The following RUBCNL variants were observed in gnomAD, a reference collection of about 807,000 sequenced individuals.
RUBCNL encodes protein associated with UVRAG as autophagy enhancer.
In RUBCNL, 62 loss-of-function variants were observed where a neutral mutation model predicts 69.5. That is an observed-to-expected ratio of 0.89 (90% CI 0.73 to 1.10). The LOEUF (loss-of-function observed/expected upper bound fraction) is 1.10, where lower values mean the gene tolerates loss of function less well. RUBCNL is among the 50% of genes least tolerant of loss of function. RUBCNL has a pLI of 0.00. For synonymous variants in RUBCNL, 291 were observed against 303.6 expected (o/e 0.96, Z 0.43); for missense variants, 768 against 798.1 (o/e 0.96, Z 0.45).
intron 6 of RUBCNL, among the ~76,000 whole-genome samples, 192 bp downstream of exon 6, chr13:46,362,923 C>CAT (rs770827606): frequency 0.012 from 1,084 of 87,846 alleles, 117 homozygotes; most frequent in Non-Finnish European, 0.017. Context: ...ACAAGAACAT[C>CAT]ATATATATAT....
intron 1 of RUBCNL, among the ~76,000 whole-genome samples, chr13:46,382,060 C>T (rs562577746): frequency 6.6e-6 from 1 of 152,290 alleles, no homozygotes; most frequent in East Asian, 1.9e-4. Context: ...TTCAGCCTCC[C>T]AAAGTGCTGG....
chr13:46,340,630 C>T lies in RUBCNL; in HGVS notation c.*2755G>A, dbSNP rs773568149. 2.0e-5 allele frequency among the ~76,000 whole-genome samples: 3 copies of T among 152,132 alleles called. No individual in the cohort carries two copies. The highest frequency in any genetic ancestry group is 2.4e-5 in the African/African-American group (1 of 41,432). ...GAGGTTAATTTGGCTTATGGTTCTG[C>T]GGGCTGTACAAGCATCGCACCAATA... On this transcript the variant is annotated 3_prime_UTR_variant, in exon 15 of 15. Coordinates refer to ENST00000429979, the MANE Select transcript of RUBCNL (RefSeq NM_025113.5).
rs557091671 is a variant in RUBCNL, at chr13:46,385,789, T to C, written c.-239+1345A>G. 6.6e-5 allele frequency among the ~76,000 whole-genome samples: 10 copies of C among 152,302 alleles called. 1 individual carries two copies. The highest frequency in any genetic ancestry group is 6.2e-4 in the South Asian group (3 of 4,830). The stretch of plus-strand genomic sequence containing the variant: ...ATGTTTTTGTTGTTAAACGGTTGCA[T>C]GAAGACTATGTCCAGTCAAATCTAA... On this transcript the variant is annotated intron_variant, in intron 1 of 14. Transcript: ENST00000429979.
rs149590941 is a variant in RUBCNL at position 46,377,943 on chromosome 13, T to C, written c.-176A>G. Reference sequence around the variant, plus strand: ...ATTGACACAGAGGAGAAAGTAATGATTGGAAACCATCAAAGTCCATGCAGT... The same window carrying C: ...ATTGACACAGAGGAGAAAGTAATGACTGGAAACCATCAAAGTCCATGCAGT... On this transcript the variant is annotated 5_prime_UTR_variant, in exon 2 of 15. Coordinates refer to ENST00000429979, the MANE Select transcript of RUBCNL (RefSeq NM_025113.5). The C allele has an allele frequency of 5.2e-3, 8,321 of 1,609,466 alleles. 28 individuals carry two copies. Among genetic ancestry groups the C allele is most frequent in the Non-Finnish European group, 6.6e-3 (7,748 of 1,178,240 alleles).
chr13:46,345,710 C>G, intron 12 of RUBCNL, 110 bp from the exon 13 acceptor site: 1 of 1,065,418 alleles, frequency 9.4e-7, no homozygotes, highest in Non-Finnish European at 1.3e-6. Flanking sequence ...TTTTTTAACT[C>G]AATTTAAAAA....
At position 46,368,772 on chromosome 13, in the gene RUBCNL, G is replaced by A; in HGVS notation, c.579C>T (p.Phe193=). 6.2e-7 allele frequency: 1 copy of A among 1,613,788 alleles called. No homozygotes were observed. Among genetic ancestry groups the A allele is most frequent in the South Asian group, 1.1e-5 (1 of 91,034 alleles). Residue 193 remains phenylalanine (F), a synonymous_variant, in exon 4 of 15, where the codon TTC becomes TTT. Transcript: ENST00000429979. The part of the protein sequence containing the change: ...VSRRTISSNS[F]SPEVFVLPVD... ...CAGGCAGCACAAATACCTCTGGTGAGAAGGAATTCGAAGAAATGGTTCTTC... is the reference window on the plus strand; with the variant it reads ...CAGGCAGCACAAATACCTCTGGTGAAAAGGAATTCGAAGAAATGGTTCTTC...
rs1365602189 is a variant in RUBCNL at position 46,340,067 on chromosome 13, C to A, written c.*3318G>T. Among the ~76,000 whole-genome samples, 1 of 151,832 alleles carries A rather than the reference C, an allele frequency of 6.6e-6. No homozygotes were observed. The highest frequency in any genetic ancestry group is 2.4e-5 in the African/African-American group (1 of 41,310). The stretch of plus-strand genomic sequence containing the variant: ...GCTCCTTGGCTTGTAGATGCATCAC[C>A]CCAACCTCTGCTTTTTTTCTTCCCT... On this transcript the variant is annotated 3_prime_UTR_variant, in exon 15 of 15. Transcript: ENST00000429979.
chr13:46,343,318 A>G lies in RUBCNL; in HGVS notation c.*67T>C. On this transcript the variant is annotated 3_prime_UTR_variant, in exon 15 of 15. Coordinates refer to ENST00000429979, the MANE Select transcript of RUBCNL (RefSeq NM_025113.5). Reference sequence around the variant, plus strand: ...CCCAATATCTAAAACAATGTCACCAATAATAGACACAAATCGGTGTTATCA... The same window carrying G: ...CCCAATATCTAAAACAATGTCACCAGTAATAGACACAAATCGGTGTTATCA... 1 of 1,570,566 alleles carries G rather than the reference A, an allele frequency of 6.4e-7. No individual in the cohort carries two copies.
At chr13:46,380,146 T>C (rs778971159) in intron 1 of RUBCNL, among the ~76,000 whole-genome samples, 34 of 152,182 alleles carry the variant, frequency 2.2e-4, no homozygotes, top group African/African-American at 6.0e-4. Context: ...TTTTGAAGGT[T>C]TGCTGTCAGA....
Position 46,343,460 on chromosome 13 carries a change from G to A in RUBCNL, c.1914C>T (p.Ser638=). 6.2e-7 allele frequency: 1 copy of A among 1,613,940 alleles called. No homozygotes were observed. ...TCCTCGCACACCGGGGGCACTCGGA[G>A]GACTGGAAGCACTGTTTGTGAAAGC... is the stretch of plus-strand genomic sequence containing the variant. ...RACFHKQCFQ[S]SECPRCARIT... The change falls in exon 15 of 15, where the codon TCC becomes TCT. Residue 638 remains serine (S), a synonymous_variant. Transcript: ENST00000429979.
rs1555253845 is a variant in RUBCNL at position 46,362,962 on chromosome 13, A to ATATATC, written c.925+152_925+153insGATATA. ...TAGATATATATATATATATATATAT[A>ATATATC]TATATATATATATCAGGGCCATAAT... On this transcript the variant is annotated intron_variant, in intron 6 of 14. Coordinates refer to ENST00000429979, the MANE Select transcript of RUBCNL (RefSeq NM_025113.5). Among the ~76,000 whole-genome samples, 11 of 94,220 alleles carry ATATATC rather than the reference A, an allele frequency of 1.2e-4. 1 individual carries two copies. The highest frequency in any genetic ancestry group is 2.0e-4 in the Non-Finnish European group (10 of 49,764). The allele number at this position is 94,220 out of a possible 152,430, so 61.8% of individuals were successfully genotyped here. A position where few individuals can be genotyped will look rare whatever the true frequency, so the allele number is the denominator to read the frequency against.
chr13:46,358,416 C>T (rs921099921), intron 9 of RUBCNL, among the ~76,000 whole-genome samples: 17 of 152,176 alleles, frequency 1.1e-4, no homozygotes, highest in East Asian at 3.8e-4. Context: ...GTCCTATAGT[C>T]TCGGAACAAA....
chr13:46,346,935 G>T (rs1156228802), intron 12 of RUBCNL, among the ~76,000 whole-genome samples: 1 of 152,040 alleles, frequency 6.6e-6, no homozygotes, highest in Non-Finnish European at 1.5e-5. Context: ...TACGGACATG[G>T]TATTAATGTA....
chr13:46,345,249 G>A (rs2048220230), intron 13 of RUBCNL, among the ~76,000 whole-genome samples, 198 bp downstream of exon 13: 1 of 152,184 alleles, frequency 6.6e-6, no homozygotes, highest in African/African-American at 2.4e-5. Flanking sequence ...ATTGGTCCAG[G>A]CTTGCATCCC....
At chr13:46,382,431 A>G (rs2138850312) in intron 1 of RUBCNL, among the ~76,000 whole-genome samples, 1 of 149,610 alleles carries the variant, frequency 6.7e-6, no homozygotes, top group South Asian at 2.1e-4. Flanking sequence ...TATCTAGAAA[A>G]GGAAAAGAAA....
chr13:46,379,655 C>G (rs2049076404), intron 1 of RUBCNL, among the ~76,000 whole-genome samples: 1 of 152,112 alleles, frequency 6.6e-6, no homozygotes, highest in South Asian at 2.1e-4. Context: ...GAATAGAAAT[C>G]ACAAATAAAT....
At chr13:46,377,350 G>T (rs1270813684) in intron 2 of RUBCNL, among the ~76,000 whole-genome samples, 1 of 152,198 alleles carries the variant, frequency 6.6e-6, no homozygotes, top group African/African-American at 2.4e-5. Context: ...TGCAACCTCT[G>T]CCTCGTGGAT....
chr13:46,378,563 C>T (rs2761951), intron 1 of RUBCNL: 54,748 of 151,738 alleles, frequency 0.36, 10,189 homozygotes, highest in East Asian at 0.48. Flanking sequence ...CAGGACACCT[C>T]CAGCCAAGTC....
intron 11 of RUBCNL, 147 bp from the exon 12 acceptor site, chr13:46,349,494 C>G: frequency 1.4e-6 from 1 of 721,874 alleles, no homozygotes; most frequent in Non-Finnish European, 2.4e-6. Flanking sequence ...ATACAGCAAG[C>G]CTTCACAACT....
Sources: allele counts gnomAD v4.1 joint callset (sites outside exome capture counted in the v4.1 genomes callset), GRCh38; gene constraint gnomAD v4.1.1; transcripts MANE v1.5; gene names NCBI Gene and HGNC (gene_info 2026-07-23, HGNC 2026-07-21).